SLC29A3: variants seen among roughly 807,000 people sequenced by gnomAD.
SLC29A3 encodes solute carrier family 29 member 3.
SLC29A3 carries 18 observed loss-of-function variants against 25.4 expected under a neutral mutation model. That is an observed-to-expected ratio of 0.71 (90% CI 0.49 to 1.05). SLC29A3 has a LOEUF of 1.05. Ranked by LOEUF, SLC29A3 falls within the 50% of genes least tolerant of loss-of-function variation. The probability of loss-of-function intolerance (pLI) is 0.00; values close to 1 mark genes in which losing one functional copy is unlikely to be tolerated. For synonymous variants in SLC29A3, 258 were observed against 267.1 expected (o/e 0.97, Z 0.33); for missense variants, 586 against 609.0 (o/e 0.96, Z 0.40).
chr10:71,363,808 C>CTTTTTTTTTTTTTTT (rs71012277), downstream of SLC29A3, among the ~76,000 whole-genome samples: 9 of 103,720 alleles, frequency 8.7e-5, 2 homozygotes, highest in East Asian at 2.8e-4. Context: ...TTTCCTTTTT[C>CTTTTTTTTTTTTTTT]TTTTCTTTTT....
At chr10:71,377,202 G>A (rs915957731) in intron 4 of SLC29A3, among the ~76,000 whole-genome samples, 8 of 152,228 alleles carry the variant, frequency 5.3e-5, no homozygotes, top group Non-Finnish European at 1.0e-4. Flanking sequence ...GGCTGATGGG[G>A]AGGTGCCCAG....
intron 3 of SLC29A3, among the ~76,000 whole-genome samples, chr10:71,344,708 T>A (rs900586413): frequency 9.2e-5 from 14 of 152,186 alleles, no homozygotes; most frequent in African/African-American, 3.4e-4. Context: ...AGTTCCAACA[T>A]TGTAATGGTA....
At chr10:71,332,642 C>A (rs1031901436) in intron 2 of SLC29A3, among the ~76,000 whole-genome samples, 1 of 152,160 alleles carries the variant, frequency 6.6e-6, no homozygotes, top group Non-Finnish European at 1.5e-5. Flanking sequence ...TGAGTGGCTG[C>A]CAGTTGCTTT....
Position 71,319,304 on chromosome 10 carries a change from G to A in SLC29A3, c.-6G>A. ...GGAGGCAGCGGCGGCGTGGCGCAGC[G>A]GCGACAGTAAGTGCGGGCCGGCTCG... On this transcript the variant is annotated 5_prime_UTR_variant, in exon 1 of 6. Transcript: ENST00000373189. 1.5e-6 allele frequency: 1 copy of A among 645,372 alleles called. No individual in the cohort carries two copies. Among genetic ancestry groups the A allele is most frequent in the East Asian group, 3.3e-5 (1 of 30,440 alleles). 40.0% of individuals were successfully genotyped at this position (645,372 alleles called of 1,614,324 possible).
At chr10:71,357,083 G>A (rs1846933041) in intron 5 of SLC29A3, among the ~76,000 whole-genome samples, 1 of 152,136 alleles carries the variant, frequency 6.6e-6, no homozygotes, top group African/African-American at 2.4e-5. Context: ...AAATAGCTGG[G>A]ACTCCAGGTG....
chr10:71,343,613 A>G (rs1846473301), intron 2 of SLC29A3, among the ~76,000 whole-genome samples: 1 of 152,138 alleles, frequency 6.6e-6, no homozygotes, highest in Non-Finnish European at 1.5e-5. Flanking sequence ...TTGTATATCT[A>G]AGAGGTCACT....
At position 71,362,549 on chromosome 10, in the gene SLC29A3, G is replaced by A. The variant is rs1228853615; in HGVS notation, c.1369G>A (p.Val457Met). The A allele has an allele frequency of 6.2e-7, 1 of 1,614,162 alleles. No homozygotes were observed. The highest frequency in any genetic ancestry group is 8.5e-7 in the Non-Finnish European group (1 of 1,180,040). The change falls in exon 6 of 6, where the codon GTG becomes ATG. Residue 457 changes from valine to methionine, a missense_variant. By Grantham distance (21) the Val-to-Met change is conservative (BLOSUM62 1). Coordinates refer to ENST00000373189, the MANE Select transcript of SLC29A3 (RefSeq NM_018344.6). Reference protein sequence around the residue: ...EATGVVMSFYVCLGLTLGSAC... With the variant: ...EATGVVMSFYMCLGLTLGSAC... ...CACGGGAGTGGTGATGTCCTTTTAT[G>A]TGTGCTTGGGCTTAACACTGGGCTC...
At chr10:71,350,771 G>A (rs1246479419) in intron 3 of SLC29A3, among the ~76,000 whole-genome samples, 2 of 152,276 alleles carry the variant, frequency 1.3e-5, no homozygotes, top group East Asian at 1.9e-4. Context: ...TCACTCCAGG[G>A]GAGGCAGTAG....
At chr10:71,381,051 A>G (rs999394874) in exon 5 of SLC29A3, 1 of 152,168 alleles carries the variant, frequency 6.6e-6, no homozygotes, top group African/African-American at 2.4e-5. Context: ...TATTAATTTG[A>G]GGCAACACAT....
chr10:71,380,534 G>T (rs10823727), exon 5 of SLC29A3: 65,623 of 152,088 alleles, frequency 0.43, 17,611 homozygotes, highest in Non-Finnish European at 0.59. Flanking sequence ...GGTTGCAATT[G>T]GGACTTCCCT....
intron 2 of SLC29A3, among the ~76,000 whole-genome samples, chr10:71,339,391 G>A (rs1201614246): frequency 6.6e-6 from 1 of 152,216 alleles, no homozygotes; most frequent in African/African-American, 2.4e-5. Context: ...TGCAGATAAC[G>A]CTAGGGAGAT....
intron 2 of SLC29A3, among the ~76,000 whole-genome samples, chr10:71,323,554 A>T (rs1792469975): frequency 6.6e-6 from 1 of 152,264 alleles, no homozygotes; most frequent in Admixed American, 6.5e-5. Context: ...CACTTCCTGG[A>T]AGTAACATAC....
At chr10:71,361,808 T>A (rs945732287) in intron 5 of SLC29A3, 146 bp from the exon 6 acceptor site, 28 of 934,880 alleles carry the variant, frequency 3.0e-5, no homozygotes, top group Middle Eastern at 3.3e-4. Context: ...GCATCTGTCA[T>A]CTCAGGGAAC....
intron 3 of SLC29A3, among the ~76,000 whole-genome samples, chr10:71,369,118 G>A (rs1419693555): frequency 2.6e-5 from 4 of 152,204 alleles, no homozygotes; most frequent in African/African-American, 9.7e-5. Context: ...TGCCGTGTGA[G>A]AACACAGTGA....
At chr10:71,325,714 G>A (rs1845949116) in intron 2 of SLC29A3, among the ~76,000 whole-genome samples, 1 of 152,048 alleles carries the variant, frequency 6.6e-6, no homozygotes, top group Non-Finnish European at 1.5e-5. Flanking sequence ...TCAACTCAAG[G>A]TGTGTCCTTG....
chr10:71,319,562 C>A, intron 1 of SLC29A3: 1 of 397,754 alleles, frequency 2.5e-6, no homozygotes. Context: ...TGGACCTCAC[C>A]GCCTGTATGG....
At chr10:71,319,446 G>A in intron 1 of SLC29A3, 136 bp downstream of exon 1, 2 of 470,242 alleles carry the variant, frequency 4.3e-6, no homozygotes, top group South Asian at 6.6e-5. Flanking sequence ...CCCATCCGTG[G>A]TCCCTTCCCC....
chr10:71,332,334 G>A, intron 2 of SLC29A3, among the ~76,000 whole-genome samples: 1 of 151,958 alleles, frequency 6.6e-6, no homozygotes, highest in East Asian at 1.9e-4. Flanking sequence ...ATTTTTGGTA[G>A]AGATGGGGTT....
intron 3 of SLC29A3, among the ~76,000 whole-genome samples, chr10:71,372,428 G>A (rs1278838100): frequency 6.6e-6 from 1 of 152,188 alleles, no homozygotes; most frequent in African/African-American, 2.4e-5. Context: ...GTCCTCATTA[G>A]AATCACCTGG....
Sources: gnomAD v4.1 joint callset for allele counts (sites outside exome capture counted in the v4.1 genomes callset) on GRCh38, gnomAD v4.1.1 for gene constraint, MANE v1.5 for transcripts, NCBI Gene and HGNC (gene_info 2026-07-23, HGNC 2026-07-21) for gene names.